Variants in DDX5 observed in about 807,000 individuals in gnomAD.
DDX5 encodes DEAD-box helicase 5, also known as probable ATP-dependent RNA helicase DDX5.
DDX5 carries 6 observed loss-of-function variants against 68.6 expected under a neutral mutation model. That is an observed-to-expected ratio of 0.09 (90% confidence interval 0.05 to 0.17). The LOEUF (loss-of-function observed/expected upper bound fraction) is 0.17, where lower values mean the gene tolerates loss of function less well. Ranked by LOEUF, DDX5 falls within the 10% of genes least tolerant of loss-of-function variation. DDX5 has a pLI of 1.00. For missense variants in DDX5, 499 were observed against 756.1 expected (o/e 0.66, Z 3.99); for synonymous variants, 350 against 247.0 (o/e 1.42, Z -3.91).
At chr17:64,506,323 T>C, upstream of DDX5, 2 of 1,484,046 alleles carry the variant, frequency 1.3e-6, no homozygotes, top group Non-Finnish European at 1.8e-6. Context: ...TTTTATAGTC[T>C]GGACCGCCTC....
intron 11 of DDX5, chr17:64,501,690 C>A: frequency 2.5e-6 from 1 of 392,274 alleles, no homozygotes; most frequent in African/African-American, 2.0e-5. Context: ...CGGCAGTGAA[C>A]TGTGAGGATA....
At position 64,504,786 on chromosome 17, in the gene DDX5, A is replaced by G. The variant is rs1555671815; in HGVS notation, c.101T>C (p.Phe34Ser). 6.2e-7 allele frequency: 1 copy of G among 1,613,998 alleles called. No individual in the cohort carries two copies. Among genetic ancestry groups the G allele is most frequent in the Non-Finnish European group, 8.5e-7 (1 of 1,180,014 alleles). The stretch of plus-strand genomic sequence containing the variant: ...AACTAATTTCTCCCCAGGGTTTCCA[A>G]ACTTCTTTCCAGATAAGGGCCCTGC... ...SRAGPLSGKKFGNPGEKLVKK... is the reference protein window; with the variant it reads ...SRAGPLSGKKSGNPGEKLVKK... The change falls in exon 2 of 13, where the codon TTT becomes TCT. Residue 34 changes from phenylalanine (F) to serine (S), a missense_variant. Coordinates refer to ENST00000225792, the MANE Select transcript of DDX5 (RefSeq NM_004396.5).
In DDX5 at chr17:64,499,413, G is replaced by C. The variant is rs1555670480; in HGVS notation, c.*510C>G. 6.6e-6 allele frequency among the ~76,000 whole-genome samples: 1 copy of C among 151,790 alleles called. No homozygotes were observed. Among genetic ancestry groups the C allele is most frequent in the East Asian group, 1.9e-4 (1 of 5,188 alleles). On this transcript the variant is annotated 3_prime_UTR_variant, in exon 13 of 13. Transcript: ENST00000225792. ...TTAGCCTGTAACTAAAAATTCACCT[G>C]TATCAATTCATTCTGACTCCTGCAA...
At chr17:64,504,898 T>C (rs1303711758) in intron 1 of DDX5, 56 bp from the exon 2 acceptor site, 2 of 1,532,280 alleles carry the variant, frequency 1.3e-6, no homozygotes, top group Non-Finnish European at 1.8e-6. Flanking sequence ...CAGGTTTCTG[T>C]ATAGATTTGT....
chr17:64,502,307 CTT>C (rs1386197255), intron 9 of DDX5, 84 bp from the exon 10 acceptor site: 7 of 1,508,658 alleles, frequency 4.6e-6, no homozygotes, highest in African/African-American at 1.4e-5. Context: ...TCACAGATCT[CTT>C]TAATTTCGCC....
In DDX5 at chr17:64,499,220, T is replaced by C. The variant is rs550444201; in HGVS notation, c.*703A>G. Among the ~76,000 whole-genome samples, 1 of 152,342 alleles carries C rather than the reference T, an allele frequency of 6.6e-6. No homozygotes were observed. The highest frequency in any genetic ancestry group is 1.9e-4 in the East Asian group (1 of 5,186). ...AAGTCTCTTGAAAAAGCCAGTTATT[T>C]GGAGCTTTTTAAATTATAAACTTTG... is the stretch of plus-strand genomic sequence containing the variant. On this transcript the variant is annotated 3_prime_UTR_variant, in exon 13 of 13. Transcript: ENST00000225792.
In DDX5 at chr17:64,503,171, T is replaced by TTTCAAA; in HGVS notation, c.810+11_810+16dup. 1.2e-6 allele frequency: 2 copies of TTTCAAA among 1,613,712 alleles called. No homozygotes were observed. Among genetic ancestry groups the TTTCAAA allele is most frequent in the Non-Finnish European group, 1.7e-6 (2 of 1,179,756 alleles). On this transcript the variant is annotated intron_variant, in intron 7 of 12. Transcript: ENST00000225792. Reference sequence around the variant, plus strand: ...AAACACAATTCAGTTTGATCACATATTTCAAAGGACACTTACTCTTATTTG... The same window carrying TTTCAAA: ...AAACACAATTCAGTTTGATCACATATTTCAAATTCAAAGGACACTTACTCTTATTTG...
chr17:64,505,951 A>G, intron 1 of DDX5, 125 bp downstream of exon 1: 2 of 1,536,844 alleles, frequency 1.3e-6, no homozygotes, highest in East Asian at 2.4e-5. Flanking sequence ...AGCCTTCGGG[A>G]AAGGAAGTCC....
rs2038262437 is a variant in DDX5 at position 64,500,244 on chromosome 17, A to G, written c.1524T>C (p.Phe508=). ...CTCTGTCATAATTTTCCCTGTCTCT[A>G]AAGGTATTAAATCCACCCCTTTTGC... ...SAGKRGGFNT[F]RDRENYDRGY... Residue 508 remains phenylalanine, a synonymous_variant, in exon 13 of 13, where the codon TTT becomes TTC. Transcript: ENST00000225792. 2 of 1,614,046 alleles carry G rather than the reference A, an allele frequency of 1.2e-6. No homozygotes were observed. The highest frequency in any genetic ancestry group is 2.2e-5 in the South Asian group (2 of 91,088).
At chr17:64,506,019 G>GGGGCCCCCC in intron 1 of DDX5, 57 bp downstream of exon 1, 8 of 1,360,416 alleles carry the variant, frequency 5.9e-6, no homozygotes, top group Non-Finnish European at 8.1e-6. Flanking sequence ...CCGCCACCCT[G>GGGGCCCCCC]ACCCGCCCTC....
chr17:64,500,679 T>C lies in DDX5; in HGVS notation c.1311A>G (p.Lys437=), dbSNP rs1555670933. The change falls in exon 12 of 13, where the codon AAA becomes AAG. Residue 437 remains lysine, a synonymous_variant. Transcript: ENST00000225792. ...TAAAGAAAGTGTATGCTGTGCCTGT[T>C]TTGGTACTGCGAGCAGTTCTTCCAA... The part of the protein sequence containing the change: ...HRIGRTARST[K]TGTAYTFFTP... 6.2e-7 allele frequency: 1 copy of C among 1,614,204 alleles called. No individual in the cohort carries two copies. The highest frequency in any genetic ancestry group is 8.5e-7 in the Non-Finnish European group (1 of 1,180,008).
chr17:64,500,505 G>A (rs782759966), intron 12 of DDX5, 44 bp downstream of exon 12: 49 of 1,572,558 alleles, frequency 3.1e-5, no homozygotes, highest in Middle Eastern at 1.7e-4. Context: ...TGTAGACAAC[G>A]ATGTGACTCG....
chr17:64,506,786 C>T (rs1430519477), upstream of DDX5: 12 of 539,446 alleles, frequency 2.2e-5, no homozygotes, highest in African/African-American at 1.9e-4. Context: ...CCGGGACCCG[C>T]CCGGGCTGCC....
upstream of DDX5, chr17:64,506,410 T>G: frequency 7.2e-7 from 1 of 1,389,258 alleles, no homozygotes; most frequent in Non-Finnish European, 9.3e-7. Context: ...CAACGCCCGC[T>G]GGCGTTCCAG....
upstream of DDX5, chr17:64,506,296 C>T (rs960753451): frequency 1.6e-5 from 25 of 1,519,004 alleles, no homozygotes; most frequent in Admixed American, 1.4e-4. Context: ...AGGTGCCGGC[C>T]GCTTTCCGGC....
At position 64,506,176 on chromosome 17, in the gene DDX5, T is replaced by A; in HGVS notation, c.-57A>T. ...AGTATATAGAAAAGCGTGCGACAAG[T>A]CGCTGGAAATGGCCTCGATGACGGC... On this transcript the variant is annotated 5_prime_UTR_variant, in exon 1 of 13. Transcript: ENST00000225792. 1 of 1,591,822 alleles carries A rather than the reference T, an allele frequency of 6.3e-7. No individual in the cohort carries two copies. The highest frequency in any genetic ancestry group is 8.6e-7 in the Non-Finnish European group (1 of 1,169,308).
intron 8 of DDX5, 66 bp downstream of exon 8, chr17:64,502,860 C>T (rs1343113053): frequency 1.4e-6 from 2 of 1,449,246 alleles, no homozygotes; most frequent in East Asian, 4.6e-5. Context: ...ACTCACCAAA[C>T]AATGATCCCT....
At chr17:64,505,402 A>T (rs551164518) in intron 1 of DDX5, 78 of 511,576 alleles carry the variant, frequency 1.5e-4, no homozygotes, top group Admixed American at 9.7e-4. Flanking sequence ...AAAATTATAT[A>T]ACGCAGGAAA....
At chr17:64,502,260 T>A in intron 9 of DDX5, 37 bp from the exon 10 acceptor site, 1 of 1,610,322 alleles carries the variant, frequency 6.2e-7, no homozygotes, top group Non-Finnish European at 8.5e-7. Context: ...TAAACTCACA[T>A]TGAAAACCTC....
Sources: gnomAD v4.1 joint callset for allele counts (sites outside exome capture counted in the v4.1 genomes callset) on GRCh38, gnomAD v4.1.1 for gene constraint, MANE v1.5 for transcripts, NCBI Gene and HGNC (gene_info 2026-07-23, HGNC 2026-07-21) for gene names.